The following PECR variants were observed in gnomAD, a reference collection of about 807,000 sequenced individuals.
PECR encodes the protein 2,4-dienoyl-CoA reductase-related protein.
PECR carries 30 observed loss-of-function variants against 35.3 expected under a neutral mutation model. That is an observed-to-expected ratio of 0.85 (90% CI 0.64 to 1.15). The LOEUF (loss-of-function observed/expected upper bound fraction) is 1.15, where lower values mean the gene tolerates loss of function less well. PECR is among the 50% of genes most tolerant of loss of function. The pLI is 0.00. For missense variants in PECR, 392 were observed against 370.8 expected, an observed-to-expected ratio of 1.06 and a Z score of -0.47; for synonymous variants, 148 against 138.9, an observed-to-expected ratio of 1.07 and a Z score of -0.46.
intron 7 of PECR, among the ~76,000 whole-genome samples, chr2:216,041,760 G>A (rs1694890461): frequency 6.6e-6 from 1 of 152,174 alleles, no homozygotes; most frequent in Admixed American, 6.5e-5. Context: ...AGGTTAAGTT[G>A]ATCACCAGTG....
At chr2:216,045,677 C>T (rs553019255) in intron 6 of PECR, among the ~76,000 whole-genome samples, 4 of 152,362 alleles carry the variant, frequency 2.6e-5, no homozygotes, top group South Asian at 4.1e-4. Flanking sequence ...GCAGATTGTA[C>T]TGAGACATGG....
At chr2:216,079,427 G>A (rs1008664567) in intron 1 of PECR, among the ~76,000 whole-genome samples, 3 of 150,888 alleles carry the variant, frequency 2.0e-5, no homozygotes, top group African/African-American at 7.3e-5. Flanking sequence ...GAGTGCAGCG[G>A]CACGATCTTG....
At chr2:216,077,894 T>C (rs1352503549) in intron 1 of PECR, among the ~76,000 whole-genome samples, 2 of 148,390 alleles carry the variant, frequency 1.3e-5, no homozygotes, top group African/African-American at 2.5e-5. Flanking sequence ...TTTCTGAAAA[T>C]AATGTTAATT....
chr2:216,043,102 C>CGT (rs1380736770), intron 7 of PECR, among the ~76,000 whole-genome samples: 1 of 117,202 alleles, frequency 8.5e-6, no homozygotes, highest in East Asian at 2.1e-4. Context: ...TATATGTATG[C>CGT]GTATATATAT....
chr2:216,032,080 T>C (rs1419056183), intron 7 of PECR, among the ~76,000 whole-genome samples: 1 of 152,196 alleles, frequency 6.6e-6, no homozygotes, highest in African/African-American at 2.4e-5. Context: ...GAAGGTAAAA[T>C]TACAGGGTAA....
downstream of PECR, among the ~76,000 whole-genome samples, chr2:216,034,794 C>T (rs552601137): frequency 6.6e-6 from 1 of 152,212 alleles, no homozygotes; most frequent in East Asian, 1.9e-4. Flanking sequence ...CGTTAATGTC[C>T]CCAGAATGCA....
At chr2:216,069,904 C>A (rs1043826204) in intron 1 of PECR, among the ~76,000 whole-genome samples, 3 of 148,612 alleles carry the variant, frequency 2.0e-5, no homozygotes, top group African/African-American at 7.5e-5. Flanking sequence ...CCATTGCACC[C>A]CAGCCTGGGT....
rs567402513 is a variant in PECR at position 216,077,046 on chromosome 2, C to T, written c.124+4572G>A. 3.0e-4 allele frequency among the ~76,000 whole-genome samples: 46 copies of T among 151,422 alleles called. No individual in the cohort carries two copies. The South Asian group carries it at 4.2e-3, about 14-fold the overall frequency. ...CTCCGAGTAATTGGGATTACACGCA[C>T]GCACCACCTCGCCTGGCTAATTTTG... On this transcript the variant is annotated intron_variant, in intron 1 of 7. Coordinates refer to ENST00000265322, the MANE Select transcript of PECR (RefSeq NM_018441.6).
intron 1 of PECR, among the ~76,000 whole-genome samples, chr2:216,076,597 C>T (rs1220219247): frequency 1.3e-5 from 2 of 152,046 alleles, no homozygotes; most frequent in African/African-American, 2.4e-5. Flanking sequence ...GTCAGGAGTT[C>T]GAGACCAGCC....
At chr2:216,081,562 C>T (rs1315485163) in intron 1 of PECR, 56 bp downstream of exon 1, 1 of 1,609,236 alleles carries the variant, frequency 6.2e-7, no homozygotes, top group African/African-American at 1.3e-5. Context: ...CTCCCGTCTC[C>T]AGGTTACCCC....
intron 4 of PECR, among the ~76,000 whole-genome samples, chr2:216,054,219 G>GGA (rs1025460052): frequency 1.3e-4 from 19 of 151,456 alleles, no homozygotes; most frequent in African/African-American, 4.6e-4. Context: ...CCCAGGAGGT[G>GGA]GAGGTTGCAG....
intron 1 of PECR, among the ~76,000 whole-genome samples, chr2:216,079,182 A>ATTTTTT (rs1156631976): frequency 7.3e-6 from 1 of 137,602 alleles, no homozygotes; most frequent in African/African-American, 2.7e-5. Context: ...AAAAACATAG[A>ATTTTTT]TTTTTTTTTT....
Position 216,065,359 on chromosome 2 carries a change from G to C in PECR, c.377C>G (p.Ala126Gly). The C allele has an allele frequency of 6.2e-7, 1 of 1,611,554 alleles. No individual in the cohort carries two copies. The highest frequency in any genetic ancestry group is 8.5e-7 in the Non-Finnish European group (1 of 1,177,662). Residue 126 changes from alanine to glycine, a missense_variant, in exon 3 of 8, where the codon GCT (alanine) becomes GGT (glycine). Ala to Gly is a moderately conservative substitution (Grantham distance 60, BLOSUM62 0). Coordinates refer to ENST00000265322, the MANE Select transcript of PECR (RefSeq NM_018441.6). ...ACCCGTCAGGTTGGTCTCAAGCACA[G>C]CGTGCCATCCCTTAGAACTGATGTG... ...AEHISSKGWH[A>G]VLETNLTGTF...
downstream of PECR, among the ~76,000 whole-genome samples, chr2:216,034,454 G>A (rs1296353003): frequency 1.3e-5 from 2 of 152,256 alleles, no homozygotes; most frequent in Admixed American, 1.3e-4. Context: ...ACTTTGCCTT[G>A]AGGACTTCCC....
chr2:216,081,506 T>C, intron 1 of PECR, 112 bp downstream of exon 1: 1 of 1,370,664 alleles, frequency 7.3e-7, no homozygotes, highest in South Asian at 1.2e-5. Flanking sequence ...TGCCCCGTCT[T>C]TGCTCTGCAG....
intron 7 of PECR, among the ~76,000 whole-genome samples, chr2:216,031,453 AAG>A (rs1188319227): frequency 5.7e-5 from 8 of 140,808 alleles, no homozygotes; most frequent in African/African-American, 2.2e-4. Flanking sequence ...AAAAGAAAGA[AAG>A]AGAGAAAGAA....
intron 7 of PECR, among the ~76,000 whole-genome samples, chr2:216,030,631 C>T (rs1334123376): frequency 6.6e-6 from 1 of 151,982 alleles, no homozygotes; most frequent in Non-Finnish European, 1.5e-5. Context: ...GCAACCTCCG[C>T]CCCCAGGTTC....
chr2:216,075,603 T>C (rs1296017472), intron 1 of PECR, among the ~76,000 whole-genome samples: 1 of 152,248 alleles, frequency 6.6e-6, no homozygotes, highest in Non-Finnish European at 1.5e-5. Flanking sequence ...TGTTTATATG[T>C]AGCTAGAGAG....
downstream of PECR, chr2:216,034,076 GA>G: frequency 6.6e-6 from 1 of 152,290 alleles, no homozygotes; most frequent in East Asian, 1.9e-4. Flanking sequence ...ACCAAAGGAA[GA>G]AACTAAAGCT....
Sources: allele counts gnomAD v4.1 joint callset (sites outside exome capture counted in the v4.1 genomes callset), GRCh38; gene constraint gnomAD v4.1.1; transcripts MANE v1.5; gene names NCBI Gene and HGNC (gene_info 2026-07-23, HGNC 2026-07-21).